The following DOCK4 variants were observed in gnomAD, a reference collection of about 807,000 sequenced individuals.
The protein encoded by DOCK4 is dedicator of cytokinesis 4, also known as dedicator of cytokinesis protein 4.
A neutral mutation model predicts 268.1 loss-of-function variants in DOCK4; 97 were observed. The observed-to-expected ratio is 0.36, with a 90% CI of 0.31 to 0.43. The LOEUF is 0.43. Ranked by LOEUF, DOCK4 falls within the 20% of genes least tolerant of loss-of-function variation. The pLI is 1.00. For missense variants in DOCK4, 2,145 were observed against 2,455.7 expected (o/e 0.87, Z 2.67); for synonymous variants, 954 against 887.2 (o/e 1.08, Z -1.34).
chr7:112,061,540 C>G (rs898535064), intron 1 of DOCK4, among the ~76,000 whole-genome samples: 2 of 151,736 alleles, frequency 1.3e-5, no homozygotes, highest in African/African-American at 4.9e-5. Flanking sequence ...TTCTAACACT[C>G]CATCCTTACA....
chr7:111,728,965 C>A (rs934330932), intron 52 of DOCK4, among the ~76,000 whole-genome samples: 2 of 152,166 alleles, frequency 1.3e-5, no homozygotes, highest in Non-Finnish European at 2.9e-5. Context: ...GAATGCGACA[C>A]ACACAGACCT....
intron 1 of DOCK4, among the ~76,000 whole-genome samples, chr7:112,167,909 C>T (rs1817741773): frequency 6.6e-6 from 1 of 151,894 alleles, no homozygotes; most frequent in African/African-American, 2.4e-5. Context: ...TTCTTCATAC[C>T]TCTAAATAAC....
intron 1 of DOCK4, among the ~76,000 whole-genome samples, chr7:112,107,037 T>C (rs1009517562): frequency 6.6e-6 from 1 of 152,256 alleles, no homozygotes; most frequent in African/African-American, 2.4e-5. Context: ...ATTTTTGAAG[T>C]GTTGATTTAA....
chr7:111,735,558 G>A (rs1795416783), intron 50 of DOCK4, among the ~76,000 whole-genome samples: 1 of 152,196 alleles, frequency 6.6e-6, no homozygotes, highest in East Asian at 1.9e-4. Context: ...AGAAGGCAAT[G>A]ACATACTAAT....
intron 26 of DOCK4, among the ~76,000 whole-genome samples, chr7:111,829,902 G>A (rs1410466942): frequency 1.3e-5 from 2 of 152,134 alleles, no homozygotes; most frequent in East Asian, 1.9e-4. Context: ...CCCATATGGA[G>A]TGAATATTTT....
intron 16 of DOCK4, among the ~76,000 whole-genome samples, chr7:111,887,532 G>C (rs1562847343): frequency 6.6e-6 from 1 of 152,104 alleles, no homozygotes; most frequent in African/African-American, 2.4e-5. Flanking sequence ...GGATTTTCAA[G>C]AAGTGTTATT....
intron 1 of DOCK4, among the ~76,000 whole-genome samples, chr7:112,120,558 T>C (rs1029134561): frequency 6.6e-6 from 1 of 152,176 alleles, no homozygotes; most frequent in Non-Finnish European, 1.5e-5. Context: ...AGAGGACAAA[T>C]TTTGGGGACA....
intron 4 of DOCK4, among the ~76,000 whole-genome samples, chr7:111,997,864 T>C (rs926401544): frequency 1.3e-5 from 2 of 152,208 alleles, no homozygotes; most frequent in African/African-American, 2.4e-5. Context: ...ATTGGAATTA[T>C]GTTAAAGTGA....
At chr7:112,162,336 C>T (rs768595721) in intron 1 of DOCK4, among the ~76,000 whole-genome samples, 1 of 152,050 alleles carries the variant, frequency 6.6e-6, no homozygotes, top group African/African-American at 2.4e-5. Context: ...CTTGGTACCC[C>T]AGCCCCCTTG....
rs1199739695 is a variant in DOCK4 at position 112,061,538 on chromosome 7, CT to C, written c.38-57408del. ...TCTTTCTGTCACCCGCTTTCTAACA[CT>C]CCATCCTTACATTTAATATGGAACA... On this transcript the variant is annotated intron_variant, in intron 1 of 52. Coordinates refer to ENST00000428084, the MANE Select transcript of DOCK4 (RefSeq NM_001363540.2). 1.1e-3 allele frequency among the ~76,000 whole-genome samples: 167 copies of C among 152,236 alleles called. 1 individual carries two copies. The highest frequency in any genetic ancestry group is 3.9e-3 in the African/African-American group (162 of 41,546).
intron 30 of DOCK4, among the ~76,000 whole-genome samples, chr7:111,806,401 C>T (rs1375939732): frequency 6.6e-6 from 1 of 152,162 alleles, no homozygotes; most frequent in African/African-American, 2.4e-5. Flanking sequence ...TATTGCACAA[C>T]AGCAACAAAC....
At chr7:111,821,970 G>A (rs955737563) in intron 27 of DOCK4, among the ~76,000 whole-genome samples, 2 of 152,194 alleles carry the variant, frequency 1.3e-5, no homozygotes, top group African/African-American at 4.8e-5. Flanking sequence ...AGAATGAAAG[G>A]CTTTCTATCT....
At chr7:112,000,341 G>A (rs1800321992) in intron 3 of DOCK4, among the ~76,000 whole-genome samples, 153 bp downstream of exon 3, 2 of 152,068 alleles carry the variant, frequency 1.3e-5, no homozygotes. Flanking sequence ...TATAATCCAA[G>A]TTCAAAGGAA....
At chr7:112,118,992 T>C (rs1002361965) in intron 1 of DOCK4, among the ~76,000 whole-genome samples, 2 of 152,128 alleles carry the variant, frequency 1.3e-5, no homozygotes, top group African/African-American at 4.8e-5. Context: ...CTAATGAAAT[T>C]GTGTATCTAT....
chr7:112,037,027 T>C (rs1803861878), intron 1 of DOCK4, among the ~76,000 whole-genome samples: 1 of 152,158 alleles, frequency 6.6e-6, no homozygotes, highest in Non-Finnish European at 1.5e-5. Context: ...CACTTCAAAT[T>C]TTGAATTTTG....
intron 8 of DOCK4, among the ~76,000 whole-genome samples, chr7:111,954,497 C>T (rs1796302272): frequency 6.6e-6 from 1 of 152,192 alleles, no homozygotes; most frequent in Admixed American, 6.5e-5. Flanking sequence ...GAAAGATTCT[C>T]CCCAGGGCCT....
intron 30 of DOCK4, among the ~76,000 whole-genome samples, chr7:111,794,896 T>A (rs1031094187): frequency 2.0e-5 from 3 of 152,152 alleles, no homozygotes; most frequent in African/African-American, 7.2e-5. Context: ...CTGATTACAA[T>A]GAATTACAAA....
intron 45 of DOCK4, 103 bp from the exon 46 acceptor site, chr7:111,741,764 G>A (rs1694397608): frequency 2.1e-6 from 3 of 1,414,790 alleles, no homozygotes; most frequent in South Asian, 2.9e-5. Flanking sequence ...TTGCCATCAA[G>A]TCTTCACATA....
In DOCK4 at chr7:112,140,602, CAA is replaced by C. The variant is rs35430125; in HGVS notation, c.37+65498_37+65499del. ...TTTATTCAGATCTCCTGCTCCCCGA[CAA>C]AAAAAAAAAAAAGTTAAAAAAATAC... On this transcript the variant is annotated intron_variant, in intron 1 of 52. Transcript: ENST00000428084. 6.9e-3 allele frequency among the ~76,000 whole-genome samples: 750 copies of C among 108,346 alleles called. 6 individuals are homozygous for C. The highest frequency in any genetic ancestry group is 0.025 in the African/African-American group (645 of 25,302). The allele number at this position is 108,346 out of a possible 152,430, so 71.1% of individuals were successfully genotyped here.
Sources: allele counts gnomAD v4.1 joint callset (sites outside exome capture counted in the v4.1 genomes callset), GRCh38; gene constraint gnomAD v4.1.1; transcripts MANE v1.5; gene names NCBI Gene and HGNC (gene_info 2026-07-23, HGNC 2026-07-21).